Variants in ANK3 observed in about 807,000 individuals in gnomAD.
ANK3 encodes ankyrin-3.
ANK3 carries 57 observed loss-of-function variants against 370.9 expected under a neutral mutation model. The ratio of observed to expected loss-of-function variants is 0.15; its 90% CI spans 0.12 to 0.19. The LOEUF is 0.19. Among genes scored for constraint, ANK3 ranks in the 10% least tolerant of loss-of-function variants. The pLI, the probability that ANK3 is intolerant of heterozygous loss-of-function variation, is 1.00. For missense variants in ANK3, 4,439 were observed against 5,302.1 expected (o/e 0.84, Z 5.06); for synonymous variants, 1,929 against 1,946.3 (o/e 0.99, Z 0.23).
chr10:60,335,669 T>C (rs986704278), intron 1 of ANK3, among the ~76,000 whole-genome samples: 1 of 152,182 alleles, frequency 6.6e-6, no homozygotes, highest in Admixed American at 6.5e-5. Flanking sequence ...AGCTCATCGG[T>C]CTTGACTTAA....
intron 1 of ANK3, among the ~76,000 whole-genome samples, chr10:60,661,949 C>G (rs2078940978): frequency 6.6e-6 from 1 of 152,178 alleles, no homozygotes; most frequent in African/African-American, 2.4e-5. Flanking sequence ...ACCAGATCGT[C>G]TGGTTCCAGT....
At chr10:60,378,921 C>A (rs1439058009) in intron 1 of ANK3, among the ~76,000 whole-genome samples, 1 of 151,694 alleles carries the variant, frequency 6.6e-6, no homozygotes, top group African/African-American at 2.4e-5. Flanking sequence ...AGTGAAAAAA[C>A]AATCTACAGA....
chr10:60,153,589 A>C (rs1195916226), intron 23 of ANK3, among the ~76,000 whole-genome samples: 1 of 152,192 alleles, frequency 6.6e-6, no homozygotes, highest in Non-Finnish European at 1.5e-5. Context: ...AAGGTGACTT[A>C]AGATATCAGA....
At chr10:60,268,145 C>T (rs911045667) in intron 5 of ANK3, among the ~76,000 whole-genome samples, 1 of 152,180 alleles carries the variant, frequency 6.6e-6, no homozygotes. Flanking sequence ...GGGGCTGGGA[C>T]TACCGGTGTG....
chr10:60,034,087 T>G (rs1308755722), intron 43 of ANK3, among the ~76,000 whole-genome samples: 5 of 150,340 alleles, frequency 3.3e-5, no homozygotes, highest in Admixed American at 6.6e-5. Context: ...TTTTGTTTTT[T>G]TTTTTGTTTT....
chr10:60,481,715 C>T (rs7093486), intron 2 of ANK3, among the ~76,000 whole-genome samples: 1,708 of 152,228 alleles, frequency 0.011, 29 homozygotes, highest in African/African-American at 0.038. Context: ...CTGCCTGCCT[C>T]GGCCTCCCAA....
intron 8 of ANK3, among the ~76,000 whole-genome samples, chr10:60,226,281 A>AT (rs2097139610): frequency 3.8e-5 from 4 of 104,144 alleles, no homozygotes; most frequent in East Asian, 5.9e-4. Context: ...TACTATGTAT[A>AT]TATGCTATAT....
At chr10:60,080,766 AC>A (rs752149617) in intron 35 of ANK3, 148 bp from the exon 36 acceptor site, 6 of 734,254 alleles carry the variant, frequency 8.2e-6, no homozygotes, top group Non-Finnish European at 1.3e-5. Flanking sequence ...TTGTAACCCC[AC>A]CCCCCATGTC....
In ANK3 at chr10:60,633,808, A is replaced by G. The variant is rs546466162; in HGVS notation, c.58-18584T>C. ...CCTCCACACCACCTGAAGCATCCAT[A>G]TTGGGTTCTCTCTTTTTCTTTCATT... On this transcript the variant is annotated intron_variant, in intron 1 of 43. Transcript: ENST00000373827. 5.5e-4 allele frequency among the ~76,000 whole-genome samples: 84 copies of G among 152,266 alleles called. No individual in the cohort carries two copies. In the South Asian group the frequency reaches 0.017, roughly 31 times the overall value.
intron 28 of ANK3, among the ~76,000 whole-genome samples, chr10:60,102,291 T>G (rs2091403249): frequency 6.6e-6 from 1 of 151,888 alleles, no homozygotes; most frequent in Non-Finnish European, 1.5e-5. Flanking sequence ...TTTGCTCTCC[T>G]GCACAACTTA....
In ANK3 at chr10:60,105,952, T is replaced by C. The variant is rs1325585300; in HGVS notation, c.3281A>G (p.Asp1094Gly). The C allele has an allele frequency of 1.2e-6, 2 of 1,612,180 alleles. No individual in the cohort carries two copies. The highest frequency in any genetic ancestry group is 1.7e-5 in the Admixed American group (1 of 59,734). ...CTCGGTTAAATCTTCATTTTTGCTG[T>C]CAAACTGATGCTCCTTCCAAGTTTC... ...NGETWKEHQF[D>G]SKNEDLTELL... Residue 1094 changes from aspartate to glycine, a missense_variant, in exon 28 of 44, where the codon GAC becomes GGC. Physicochemically the swap from Asp to Gly is moderately conservative, Grantham distance 94. Coordinates refer to ENST00000280772, the MANE Select transcript of ANK3 (RefSeq NM_020987.5).
At chr10:60,464,971 T>C (rs1192440713) in intron 2 of ANK3, among the ~76,000 whole-genome samples, 1 of 152,188 alleles carries the variant, frequency 6.6e-6, no homozygotes, top group Admixed American at 6.6e-5. Flanking sequence ...CAGATTCTCA[T>C]GAGAAGTTCC....
chr10:60,222,052 C>G lies in ANK3; in HGVS notation c.898-8542G>C, dbSNP rs578153091. Among the ~76,000 whole-genome samples, 3 of 152,358 alleles carry G rather than the reference C, an allele frequency of 2.0e-5. No individual in the cohort carries two copies. The South Asian group carries it at 6.2e-4, about 32-fold the overall frequency. ...GCAAAGAGCTACCTGAAGCACAACT[C>G]TTTCAACTGTAGTTTTCCTTGTAGT... is the stretch of plus-strand genomic sequence containing the variant. On this transcript the variant is annotated intron_variant, in intron 8 of 43. Transcript: ENST00000280772.
At chr10:60,408,770 G>C (rs1049334293) in intron 2 of ANK3, among the ~76,000 whole-genome samples, 5 of 152,096 alleles carry the variant, frequency 3.3e-5, no homozygotes, top group Non-Finnish European at 7.3e-5. Flanking sequence ...TTCCGTCACT[G>C]GGCCTGATAT....
At chr10:60,295,880 A>C (rs1160053690) in intron 1 of ANK3, among the ~76,000 whole-genome samples, 1 of 152,138 alleles carries the variant, frequency 6.6e-6, no homozygotes, top group Non-Finnish European at 1.5e-5. Flanking sequence ...GATGAGATGA[A>C]TGGTATTGTT....
rs149718680 is a variant in ANK3 at position 60,481,749 on chromosome 10, C to T, written c.96+133437G>A. ...AAAGTGCTGGGATTACAGGCGTGAG[C>T]CACTGCACCCGGCCACAAGCCAGAT... On this transcript the variant is annotated intron_variant, in intron 2 of 43. Coordinates refer to the ANK3 transcript ENST00000373827. 3.1e-3 allele frequency among the ~76,000 whole-genome samples: 468 copies of T among 152,332 alleles called. 8 individuals carry two copies. Among genetic ancestry groups the T allele is most frequent in the African/African-American group, 0.011 (450 of 41,584 alleles).
intron 8 of ANK3, among the ~76,000 whole-genome samples, chr10:60,226,583 C>CATAG (rs566362035): frequency 3.6e-5 from 2 of 54,998 alleles, no homozygotes; most frequent in African/African-American, 1.7e-4. Context: ...TGTATATATA[C>CATAG]TATGTATATA....
chr10:60,544,150 A>G (rs1255254304), intron 2 of ANK3, among the ~76,000 whole-genome samples: 1 of 152,092 alleles, frequency 6.6e-6, no homozygotes, highest in East Asian at 1.9e-4. Context: ...CACCGTCCAG[A>G]AGGCAACCCA....
chr10:60,360,184 T>A (rs1248349049), intron 1 of ANK3, among the ~76,000 whole-genome samples: 3 of 152,148 alleles, frequency 2.0e-5, no homozygotes, highest in African/African-American at 7.2e-5. Flanking sequence ...CCTGGCAGAG[T>A]GAGAGACAAC....
Sources: allele counts gnomAD v4.1 joint callset (sites outside exome capture counted in the v4.1 genomes callset), GRCh38; gene constraint gnomAD v4.1.1; transcripts MANE v1.5; gene names NCBI Gene and HGNC (gene_info 2026-07-23, HGNC 2026-07-21).